Variants in CDH11 observed in about 807,000 individuals in gnomAD.
CDH11 encodes the protein cadherin-11.
In CDH11, 11 loss-of-function variants were observed where a neutral mutation model predicts 67.8. That is an observed-to-expected ratio of 0.16 (90% confidence interval 0.10 to 0.27). CDH11 has a LOEUF of 0.27. Among genes scored for constraint, CDH11 ranks in the 10% least tolerant of loss-of-function variants. The probability of loss-of-function intolerance (pLI) is 1.00; values close to 1 mark genes in which losing one functional copy is unlikely to be tolerated. For synonymous variants in CDH11, 419 were observed against 400.0 expected, an observed-to-expected ratio of 1.05 and a Z score of -0.57; for missense variants, 847 against 1,031.2, an observed-to-expected ratio of 0.82 and a Z score of 2.45.
Position 64,998,771 on chromosome 16 carries a change from T to C in CDH11, c.314A>G (p.Asp105Gly), listed in dbSNP as rs760347944. The change falls in exon 4 of 13, where the codon GAC (aspartate) becomes GGC (glycine). Residue 105 changes from aspartate (D) to glycine (G), a missense_variant. Transcript: ENST00000268603. ...EGAGTIFVID[D>G]KSGNIHATKT... is the part of the protein sequence containing the mutation. Reference sequence around the variant, plus strand: ...GGTGGCATGAATGTTCCCTGATTTGTCATCAATCACAAAAATGGTTCCAGC... The same window carrying C: ...GGTGGCATGAATGTTCCCTGATTTGCCATCAATCACAAAAATGGTTCCAGC... The C allele has an allele frequency of 2.5e-6, 4 of 1,614,024 alleles. No homozygotes were observed. Among genetic ancestry groups the C allele is most frequent in the East Asian group, 2.2e-5 (1 of 44,890 alleles).
At chr16:65,093,822 A>C (rs2074836406) in intron 1 of CDH11, among the ~76,000 whole-genome samples, 1 of 152,234 alleles carries the variant, frequency 6.6e-6, no homozygotes, top group Non-Finnish European at 1.5e-5. Context: ...CACATTAAAA[A>C]CACTAAAAAG....
At chr16:65,080,389 T>A (rs1567566802) in intron 1 of CDH11, among the ~76,000 whole-genome samples, 1 of 152,240 alleles carries the variant, frequency 6.6e-6, no homozygotes, top group Non-Finnish European at 1.5e-5. Flanking sequence ...GTAAGACTTT[T>A]AAACATCTAT....
intron 1 of CDH11, among the ~76,000 whole-genome samples, chr16:65,096,014 C>CA (rs1267418283): frequency 6.6e-6 from 1 of 152,136 alleles, no homozygotes; most frequent in Non-Finnish European, 1.5e-5. Context: ...CAGCCATATG[C>CA]AATTGCTGCT....
At chr16:65,076,126 G>A (rs1192693997) in intron 1 of CDH11, among the ~76,000 whole-genome samples, 1 of 152,130 alleles carries the variant, frequency 6.6e-6, no homozygotes, top group African/African-American at 2.4e-5. Context: ...CAGCTCCCTT[G>A]AGGTGCAGTA....
intron 4 of CDH11, among the ~76,000 whole-genome samples, chr16:64,997,262 G>A (rs901182686): frequency 1.3e-4 from 19 of 149,484 alleles, no homozygotes; most frequent in South Asian, 2.1e-4. Flanking sequence ...ATGGCATTAC[G>A]GCACTCCAGC....
chr16:64,990,672 T>C (rs2072606989), intron 6 of CDH11, among the ~76,000 whole-genome samples: 1 of 152,062 alleles, frequency 6.6e-6, no homozygotes, highest in Non-Finnish European at 1.5e-5. Flanking sequence ...AGATTTACAA[T>C]AGTAGTGACT....
chr16:64,998,225 T>A (rs571627286), intron 4 of CDH11, among the ~76,000 whole-genome samples: 17 of 152,330 alleles, frequency 1.1e-4, no homozygotes, highest in African/African-American at 4.1e-4. Context: ...TGGAATTACC[T>A]CATTGTAAAG....
chr16:64,973,170 A>T, intron 8 of CDH11, 130 bp from the exon 9 acceptor site: 9 of 951,560 alleles, frequency 9.5e-6, no homozygotes, highest in Non-Finnish European at 1.4e-5. Flanking sequence ...CTTTCTAATC[A>T]AATTTACTTT....
chr16:65,087,570 T>C (rs1027156955), intron 1 of CDH11, among the ~76,000 whole-genome samples: 9 of 152,164 alleles, frequency 5.9e-5, no homozygotes, highest in Non-Finnish European at 1.0e-4. Flanking sequence ...TACTGTTGGA[T>C]AAATGTGGAG....
intron 2 of CDH11, among the ~76,000 whole-genome samples, chr16:65,009,365 C>A (rs1168239150): frequency 6.6e-6 from 1 of 152,130 alleles, no homozygotes; most frequent in Non-Finnish European, 1.5e-5. Context: ...GGTCTTTAAA[C>A]AACATATGAC....
chr16:64,949,513 G>C (rs547723303), intron 12 of CDH11, among the ~76,000 whole-genome samples: 1 of 144,426 alleles, frequency 6.9e-6, no homozygotes, highest in African/African-American at 2.6e-5. Flanking sequence ...CGCAACCTTT[G>C]CCTCCTGGGT....
At chr16:64,977,375 T>G (rs548916493) in intron 8 of CDH11, among the ~76,000 whole-genome samples, 1 of 152,156 alleles carries the variant, frequency 6.6e-6, no homozygotes, top group Non-Finnish European at 1.5e-5. Context: ...TTTGAAAACA[T>G]GACCCAAATA....
At chr16:65,091,875 G>A (rs897332886) in intron 1 of CDH11, among the ~76,000 whole-genome samples, 3 of 152,076 alleles carry the variant, frequency 2.0e-5, no homozygotes, top group Non-Finnish European at 2.9e-5. Context: ...CACAGAGTAG[G>A]TGCTCAATAA....
chr16:65,047,208 CA>C (rs2073976386), intron 2 of CDH11, among the ~76,000 whole-genome samples: 1 of 152,146 alleles, frequency 6.6e-6, no homozygotes, highest in South Asian at 2.1e-4. Context: ...TGTGTGTTTG[CA>C]ACTGCCCAGA....
chr16:65,085,719 A>G (rs1281235041), intron 1 of CDH11, among the ~76,000 whole-genome samples: 1 of 152,198 alleles, frequency 6.6e-6, no homozygotes, highest in Non-Finnish European at 1.5e-5. Flanking sequence ...AAATGAGGGA[A>G]CTAAGAGTGA....
chr16:64,979,857 C>A (rs1183824410), intron 8 of CDH11, among the ~76,000 whole-genome samples: 2 of 115,652 alleles, frequency 1.7e-5, no homozygotes, highest in South Asian at 4.2e-4. Context: ...ATGTGGTGCA[C>A]CCATACAATG....
intron 1 of CDH11, among the ~76,000 whole-genome samples, chr16:65,056,257 T>C (rs1293718236): frequency 6.6e-6 from 1 of 152,208 alleles, no homozygotes; most frequent in East Asian, 1.9e-4. Context: ...GGAGAAGCTG[T>C]ATGGCTGGAG....
chr16:65,069,195 TC>T (rs1265345145), intron 1 of CDH11, among the ~76,000 whole-genome samples: 4 of 152,142 alleles, frequency 2.6e-5, no homozygotes, highest in African/African-American at 9.7e-5. Context: ...TAGCAGGCTT[TC>T]CCCAAAGTCA....
At chr16:65,109,229 G>T (rs140163383) in intron 1 of CDH11, among the ~76,000 whole-genome samples, 2 of 152,270 alleles carry the variant, frequency 1.3e-5, no homozygotes, top group East Asian at 3.9e-4. Context: ...GCAAGGAGCT[G>T]TCTCAGCTAC....
Sources: gnomAD v4.1 joint callset for allele counts (sites outside exome capture counted in the v4.1 genomes callset) on GRCh38, gnomAD v4.1.1 for gene constraint, MANE v1.5 for transcripts, NCBI Gene and HGNC (gene_info 2026-07-23, HGNC 2026-07-21) for gene names.